CSMD1: variants seen among roughly 807,000 people sequenced by gnomAD.
CSMD1 encodes the protein CUB and Sushi multiple domains 1.
CSMD1 carries 213 observed loss-of-function variants against 417.5 expected under a neutral mutation model. The observed-to-expected ratio is 0.51, with a 90% CI of 0.46 to 0.57. The LOEUF is 0.57. Ranked by LOEUF, CSMD1 falls within the 20% of genes least tolerant of loss-of-function variation. The pLI is 0.00. For missense variants in CSMD1, 6,923 were observed against 4,529.7 expected (o/e 1.53, Z -15.17); for synonymous variants, 2,862 against 1,736.8 (o/e 1.65, Z -16.11).
At chr8:4,573,952 T>C (rs956372019) in intron 2 of CSMD1, among the ~76,000 whole-genome samples, 2 of 152,138 alleles carry the variant, frequency 1.3e-5, no homozygotes, top group Non-Finnish European at 2.9e-5. Flanking sequence ...CAAGCCTCAG[T>C]AATGGCAGAC....
chr8:3,749,441 C>T (rs549763400), intron 6 of CSMD1, among the ~76,000 whole-genome samples: 12 of 152,124 alleles, frequency 7.9e-5, no homozygotes, highest in Non-Finnish European at 1.5e-4. Context: ...TCTGACATGA[C>T]TTGATGATAT....
intron 5 of CSMD1, among the ~76,000 whole-genome samples, chr8:3,902,820 G>C (rs902796298): frequency 6.6e-6 from 1 of 152,022 alleles, no homozygotes; most frequent in South Asian, 2.1e-4. Flanking sequence ...ATTACATAAT[G>C]CACTGACTGG....
chr8:4,080,353 G>A (rs1488734944), intron 3 of CSMD1, among the ~76,000 whole-genome samples: 1 of 150,742 alleles, frequency 6.6e-6, no homozygotes, highest in South Asian at 2.1e-4. Context: ...GAAAGGTGAA[G>A]CAAAATCTAC....
At chr8:4,946,561 G>A (rs1223659196) in intron 1 of CSMD1, among the ~76,000 whole-genome samples, 1 of 152,148 alleles carries the variant, frequency 6.6e-6, no homozygotes, top group Non-Finnish European at 1.5e-5. Context: ...GAAGGATTCT[G>A]ACTCTGTATA....
At chr8:4,584,746 G>A (rs1451265539) in intron 2 of CSMD1, among the ~76,000 whole-genome samples, 1 of 152,078 alleles carries the variant, frequency 6.6e-6, no homozygotes, top group Non-Finnish European at 1.5e-5. Flanking sequence ...GGGTCCTAAT[G>A]CCGGCCAGAC....
chr8:4,939,831 G>T (rs1222127286), intron 1 of CSMD1, among the ~76,000 whole-genome samples: 1 of 152,090 alleles, frequency 6.6e-6, no homozygotes, highest in Non-Finnish European at 1.5e-5. Flanking sequence ...ATTCACATGT[G>T]ATGTAGCATG....
chr8:3,819,501 G>C (rs543295583), intron 5 of CSMD1, among the ~76,000 whole-genome samples: 1 of 151,508 alleles, frequency 6.6e-6, no homozygotes, highest in Non-Finnish European at 1.5e-5. Flanking sequence ...TATTCTCCAA[G>C]AATGCTGGAG....
In CSMD1 at chr8:3,753,949, T is replaced by A; in HGVS notation, c.912A>T (p.Gly304=). The part of the protein sequence containing the change: ...FTSDSNHRRK[G]FNAQFQVKKA... ...CCTTACCTTGGAACTGAGCGTTAAA[T>A]CCTTTGCGTCGGTGGTTGCTGTCAG... The change falls in exon 6 of 70, where the codon GGA becomes GGT. Residue 304 remains glycine (G), a synonymous_variant. Transcript: ENST00000635120. 6.2e-7 allele frequency: 1 copy of A among 1,611,824 alleles called. No individual in the cohort carries two copies. Among genetic ancestry groups the A allele is most frequent in the East Asian group, 2.2e-5 (1 of 44,814 alleles).
chr8:3,597,708 C>G (rs958217678), intron 8 of CSMD1, among the ~76,000 whole-genome samples: 3 of 152,112 alleles, frequency 2.0e-5, no homozygotes, highest in African/African-American at 4.8e-5. Flanking sequence ...AAACTGGAAA[C>G]CATCATTCTC....
chr8:4,715,542 A>G (rs929816128), intron 1 of CSMD1, among the ~76,000 whole-genome samples: 2 of 152,162 alleles, frequency 1.3e-5, no homozygotes, highest in Non-Finnish European at 2.9e-5. Flanking sequence ...AATTGCACGT[A>G]TATATATCCA....
intron 3 of CSMD1, among the ~76,000 whole-genome samples, chr8:4,125,259 G>A (rs754360761): frequency 1.3e-5 from 2 of 152,186 alleles, no homozygotes; most frequent in African/African-American, 4.8e-5. Flanking sequence ...TCTATTCGAA[G>A]TCACCCCTCT....
At chr8:3,931,055 G>C (rs1171503349) in intron 5 of CSMD1, among the ~76,000 whole-genome samples, 1 of 150,300 alleles carries the variant, frequency 6.7e-6, no homozygotes, top group South Asian at 2.2e-4. Flanking sequence ...CGGTATGATC[G>C]CTGAGATAAA....
At chr8:4,349,663 G>A (rs146151045) in intron 3 of CSMD1, among the ~76,000 whole-genome samples, 170 of 152,106 alleles carry the variant, frequency 1.1e-3, no homozygotes, top group African/African-American at 3.7e-3. Context: ...TTGGCTAAAT[G>A]GTAAATTTTG....
chr8:4,367,220 T>G (rs1485652533), intron 3 of CSMD1, among the ~76,000 whole-genome samples: 1 of 152,192 alleles, frequency 6.6e-6, no homozygotes, highest in South Asian at 2.1e-4. Flanking sequence ...TTATTTTTTG[T>G]ATGTGGTGTA....
intron 3 of CSMD1, among the ~76,000 whole-genome samples, chr8:4,239,380 G>C (rs1390753985): frequency 6.6e-6 from 1 of 152,106 alleles, no homozygotes; most frequent in Non-Finnish European, 1.5e-5. Context: ...TTTCTCATTT[G>C]GCCATGGTTG....
At chr8:3,895,908 C>G (rs990959771) in intron 5 of CSMD1, among the ~76,000 whole-genome samples, 4 of 152,176 alleles carry the variant, frequency 2.6e-5, no homozygotes, top group African/African-American at 7.2e-5. Context: ...TGTATGCACA[C>G]TCAGGTGGGA....
Position 4,460,793 on chromosome 8 carries a change from C to G in CSMD1, c.303-40728G>C, listed in dbSNP as rs147803422. Reference sequence around the variant, plus strand: ...TAAAGGTAGTAATTTTAAAATTATGCTAAAGAAAATTCCAGGCTCAAATGG... The same window carrying G: ...TAAAGGTAGTAATTTTAAAATTATGGTAAAGAAAATTCCAGGCTCAAATGG... On this transcript the variant is annotated intron_variant, in intron 2 of 69. Transcript: ENST00000635120. Among the ~76,000 whole-genome samples, 115 of 152,146 alleles carry G rather than the reference C, an allele frequency of 7.6e-4. 1 individual carries two copies. Among genetic ancestry groups the G allele is most frequent in the African/African-American group, 2.3e-3 (96 of 41,524 alleles).
Position 3,118,728 on chromosome 8 carries a change from G to C in CSMD1, c.6242-141C>G. 1.5e-5 allele frequency: 10 copies of C among 661,608 alleles called. No homozygotes were observed. In the South Asian group the frequency reaches 2.0e-4, roughly 13 times the overall value. The allele number at this position is 661,608 out of a possible 1,614,324, so 41.0% of individuals were successfully genotyped here. Reference sequence around the variant, plus strand: ...ATAAGGTATATTTTCTAAGTAGTCAGTTGCCATCCAGACCAATATAATTAT... The same window carrying C: ...ATAAGGTATATTTTCTAAGTAGTCACTTGCCATCCAGACCAATATAATTAT... On this transcript the variant is annotated intron_variant, in intron 41 of 69. Transcript: ENST00000635120.
chr8:4,793,386 G>A lies in CSMD1; in HGVS notation c.86-155828C>T, dbSNP rs191480968. Among the ~76,000 whole-genome samples the A allele has an allele frequency of 3.3e-3, 501 of 152,040 alleles. 11 individuals carry two copies. The highest frequency in any genetic ancestry group is 0.029 in the Admixed American group (443 of 15,256). On this transcript the variant is annotated intron_variant, in intron 1 of 69. Transcript: ENST00000635120. ...CATTTTGAAACATAGAATAAATTTTGTTTCAAAATATGGTAAAAATTTCAC... is the reference window on the plus strand; with the variant it reads ...CATTTTGAAACATAGAATAAATTTTATTTCAAAATATGGTAAAAATTTCAC...
Sources: allele counts gnomAD v4.1 joint callset (sites outside exome capture counted in the v4.1 genomes callset), GRCh38; gene constraint gnomAD v4.1.1; transcripts MANE v1.5; gene names NCBI Gene and HGNC (gene_info 2026-07-23, HGNC 2026-07-21).